The following ZNF43 variants were observed in gnomAD, a reference collection of about 807,000 sequenced individuals.
The protein encoded by ZNF43 is zinc finger protein 43.
A neutral mutation model predicts 68.4 loss-of-function variants in ZNF43; 44 were observed. The observed-to-expected ratio is 0.64, with a 90% CI of 0.51 to 0.83. The LOEUF (loss-of-function observed/expected upper bound fraction) is 0.83, where lower values mean the gene tolerates loss of function less well. Ranked by LOEUF, ZNF43 falls within the 40% of genes least tolerant of loss-of-function variation. The pLI is 0.00. For missense variants in ZNF43, 896 were observed against 933.2 expected (o/e 0.96, Z 0.52); for synonymous variants, 308 against 307.8 (o/e 1.00, Z -0.01).
intron 1 of ZNF43, among the ~76,000 whole-genome samples, chr19:21,829,635 C>G (rs2038326083): frequency 6.6e-6 from 1 of 151,900 alleles, no homozygotes. Context: ...TTCAAAAAAG[C>G]AATAAAAATA....
In ZNF43 at chr19:21,815,486, C is replaced by CATAT. The variant is rs58951070; in HGVS notation, c.229+2398_229+2401dup. 2.2e-3 allele frequency among the ~76,000 whole-genome samples: 301 copies of CATAT among 139,542 alleles called. 2 individuals carry two copies. The highest frequency in any genetic ancestry group is 5.1e-3 in the African/African-American group (185 of 35,930). 91.5% of individuals were successfully genotyped at this position (139,542 alleles called of 152,430 possible). ...AAAGAATAGCCTTACAACTAAATTA[C>CATAT]ATATATATATATATATATATATTTT... On this transcript the variant is annotated intron_variant, in intron 3 of 3. Coordinates refer to ENST00000354959, the MANE Select transcript of ZNF43 (RefSeq NM_003423.4).
intron 1 of ZNF43, chr19:21,841,736 A>G (rs1352452557): frequency 6.6e-6 from 1 of 152,234 alleles, no homozygotes; most frequent in Non-Finnish European, 1.5e-5. Flanking sequence ...ACCTAGATAC[A>G]GAGTCCAGTG....
At chr19:21,824,130 G>A (rs2037991636) in intron 1 of ZNF43, among the ~76,000 whole-genome samples, 1 of 152,126 alleles carries the variant, frequency 6.6e-6, no homozygotes, top group East Asian at 1.9e-4. Flanking sequence ...AGCTTGCAGT[G>A]CACCAAGATC....
chr19:21,815,457 A>G (rs1249778834), intron 3 of ZNF43, among the ~76,000 whole-genome samples: 1 of 148,772 alleles, frequency 6.7e-6, no homozygotes, highest in Non-Finnish European at 1.5e-5. Flanking sequence ...CCAACTTTAG[A>G]GGCAAAGAAT....
At chr19:21,831,074 C>A (rs779648007) in intron 1 of ZNF43, among the ~76,000 whole-genome samples, 2 of 152,128 alleles carry the variant, frequency 1.3e-5, no homozygotes, top group Non-Finnish European at 2.9e-5. Flanking sequence ...AAACCCTCAA[C>A]GAACTAGGCA....
chr19:21,833,636 A>C (rs938212019), intron 1 of ZNF43, among the ~76,000 whole-genome samples: 13 of 152,020 alleles, frequency 8.6e-5, no homozygotes, highest in Non-Finnish European at 4.4e-5. Context: ...ACTGAAACCC[A>C]GGATCAGAAA....
intron 1 of ZNF43, chr19:21,845,543 C>T (rs75400807): frequency 0.04 from 6,040 of 152,134 alleles, 179 homozygotes; most frequent in Middle Eastern, 0.075. Context: ...ATAATACTCT[C>T]GTGACCAGGG....
chr19:21,846,207 G>A (rs1470213675), intron 1 of ZNF43, among the ~76,000 whole-genome samples: 4 of 152,118 alleles, frequency 2.6e-5, no homozygotes, highest in Admixed American at 2.6e-4. Flanking sequence ...GCAGGGTCTA[G>A]CTATGAGAGG....
intron 1 of ZNF43, among the ~76,000 whole-genome samples, chr19:21,846,331 A>G (rs968599418): frequency 4.6e-5 from 7 of 152,206 alleles, no homozygotes; most frequent in South Asian, 2.1e-4. Context: ...GAGTTATGTC[A>G]CAATGACCAC....
At chr19:21,845,150 C>T (rs1967868649) in intron 1 of ZNF43, among the ~76,000 whole-genome samples, 1 of 151,620 alleles carries the variant, frequency 6.6e-6, no homozygotes, top group African/African-American at 2.4e-5. Context: ...CACCTGGGTG[C>T]AGGGCCCAAC....
intron 1 of ZNF43, chr19:21,843,222 A>G (rs540427813): frequency 2.3e-4 from 54 of 231,154 alleles, no homozygotes; most frequent in African/African-American, 1.2e-3. Context: ...CACATGATCT[A>G]CATGCTGGGT....
chr19:21,835,261 A>G (rs1019141098), intron 1 of ZNF43, among the ~76,000 whole-genome samples: 5 of 150,410 alleles, frequency 3.3e-5, no homozygotes, highest in Admixed American at 1.3e-4. Context: ...AAAAAAAAAA[A>G]AAAAAGAAAA....
At chr19:21,816,459 A>G (rs977862162) in intron 3 of ZNF43, among the ~76,000 whole-genome samples, 1 of 152,078 alleles carries the variant, frequency 6.6e-6, no homozygotes, top group African/African-American at 2.4e-5. Flanking sequence ...AAACTACGGG[A>G]CCCCTGTTCT....
intron 1 of ZNF43, chr19:21,845,473 T>A (rs1436257727): frequency 6.6e-6 from 1 of 152,110 alleles, no homozygotes; most frequent in African/African-American, 2.4e-5. Flanking sequence ...AATCCTCTTT[T>A]GGCAGGGTGC....
At chr19:21,839,140 C>A (rs1258851041), upstream of ZNF43, among the ~76,000 whole-genome samples, 1 of 151,688 alleles carries the variant, frequency 6.6e-6, no homozygotes, top group Non-Finnish European at 1.5e-5. Context: ...GGTGCTGGGT[C>A]CAGTGATATT....
intron 1 of ZNF43, among the ~76,000 whole-genome samples, chr19:21,844,921 A>AAAAATATAT (rs1310761266): frequency 1.4e-3 from 37 of 26,042 alleles, no homozygotes; most frequent in African/African-American, 4.1e-3. Flanking sequence ...AAAAAAAAAA[A>AAAAATATAT]ATATATATAT....
In ZNF43 at chr19:21,809,166, A is replaced by G. The variant is rs1265253578; in HGVS notation, c.871T>C (p.Cys291Arg). Residue 291 changes from cysteine (C) to arginine (R), a missense_variant, in exon 4 of 4, where the codon TGT (cysteine) becomes CGT (arginine). By Grantham distance (180) the Cys-to-Arg change is radical. Transcript: ENST00000354959. ...TGEKFYKCKE[C>R]AKAFNQSSNL... ...GAGGATTGGTTAAAAGCTTTGGCAC[A>G]TTCTTTACATTTGTAGAATTTCTCT... is the stretch of plus-strand genomic sequence containing the variant. The G allele has an allele frequency of 1.2e-6, 2 of 1,613,470 alleles. No homozygotes were observed. The highest frequency in any genetic ancestry group is 1.7e-5 in the Admixed American group (1 of 59,970).
At chr19:21,843,467 T>C (rs1967678753) in intron 1 of ZNF43, 1 of 830,274 alleles carries the variant, frequency 1.2e-6, no homozygotes, top group Admixed American at 6.2e-5. Context: ...ACAACCTCAA[T>C]CTCTTCTGCG....
intron 1 of ZNF43, among the ~76,000 whole-genome samples, chr19:21,825,746 C>T (rs889521163): frequency 6.6e-6 from 1 of 152,110 alleles, no homozygotes; most frequent in Non-Finnish European, 1.5e-5. Context: ...TCTGAGGATA[C>T]AAGAGTCATT....
Sources: allele counts gnomAD v4.1 joint callset (sites outside exome capture counted in the v4.1 genomes callset), GRCh38; gene constraint gnomAD v4.1.1; transcripts MANE v1.5; gene names NCBI Gene and HGNC (gene_info 2026-07-23, HGNC 2026-07-21).